Variants in RGS7 observed in about 807,000 individuals in gnomAD.
RGS7 encodes the protein regulator of G protein signaling 7.
A neutral mutation model predicts 81.1 loss-of-function variants in RGS7; 27 were observed. The ratio of observed to expected loss-of-function variants is 0.33; its 90% CI spans 0.25 to 0.46. The LOEUF (loss-of-function observed/expected upper bound fraction) is 0.46. Among genes scored for constraint, RGS7 ranks in the 20% least tolerant of loss-of-function variants. The pLI, the probability that RGS7 is intolerant of heterozygous loss-of-function variation, is 1.00. For missense variants in RGS7, 396 were observed against 607.4 expected (o/e 0.65, Z 3.66); for synonymous variants, 208 against 207.7 (o/e 1.00, Z -0.01).
At chr1:241,024,516 G>A (rs373285864) in intron 3 of RGS7, among the ~76,000 whole-genome samples, 23 of 152,280 alleles carry the variant, frequency 1.5e-4, no homozygotes, top group East Asian at 1.2e-3. Flanking sequence ...TAGTATACCA[G>A]TGACATTCTG....
chr1:241,157,125 A>T (rs917258974), intron 2 of RGS7, among the ~76,000 whole-genome samples: 4 of 141,726 alleles, frequency 2.8e-5, no homozygotes, highest in Non-Finnish European at 4.7e-5. Context: ...TGGTGGAATT[A>T]AAAAAAAAAA....
intron 2 of RGS7, among the ~76,000 whole-genome samples, chr1:241,107,069 T>C (rs2065170604): frequency 1.3e-5 from 2 of 152,326 alleles, no homozygotes; most frequent in South Asian, 2.1e-4. Flanking sequence ...TTGTAAGTAC[T>C]GTGGGATGTC....
rs927875147 is a variant in RGS7, at chr1:240,962,295, T to C, written c.226+20784A>G. On this transcript the variant is annotated intron_variant, in intron 4 of 18. Coordinates refer to ENST00000440928, the MANE Select transcript of RGS7 (RefSeq NM_001364886.1). ...GGCTGCTGTCACGCTCTGTCTACTC[T>C]GCTATCTTTCTCTCCGGCTCCTGAC... Among the ~76,000 whole-genome samples the C allele has an allele frequency of 5.3e-5, 8 of 152,274 alleles. No individual in the cohort carries two copies. The East Asian group carries it at 1.2e-3, about 22-fold the overall frequency.
At chr1:240,825,994 A>G (rs1161620912) in intron 10 of RGS7, among the ~76,000 whole-genome samples, 1 of 152,204 alleles carries the variant, frequency 6.6e-6, no homozygotes, top group African/African-American at 2.4e-5. Flanking sequence ...GGCTTAATGC[A>G]CTTTTTGGAG....
At chr1:241,234,259 G>T (rs2075810973) in intron 2 of RGS7, among the ~76,000 whole-genome samples, 1 of 152,104 alleles carries the variant, frequency 6.6e-6, no homozygotes, top group Non-Finnish European at 1.5e-5. Context: ...AGCAAAACCT[G>T]CCAGTTGTTT....
chr1:241,046,555 C>T (rs1245065487), intron 3 of RGS7, among the ~76,000 whole-genome samples: 2 of 152,180 alleles, frequency 1.3e-5, no homozygotes, highest in Non-Finnish European at 2.9e-5. Flanking sequence ...AAAAGAACTG[C>T]AAGTGGGTTA....
intron 2 of RGS7, among the ~76,000 whole-genome samples, chr1:241,309,332 G>A (rs1158877134): frequency 2.3e-5 from 3 of 130,864 alleles, no homozygotes; most frequent in Non-Finnish European, 4.6e-5. Context: ...GTAGCAGTGA[G>A]CAGAGATCAC....
rs1558320484 is a variant in RGS7, at chr1:241,327,032, A to AGGGAGGGAGGGAGGGAGGGAGGGAGGG, written c.78+28666_78+28667insCCCTCCCTCCCTCCCTCCCTCCCTCCC. Among the ~76,000 whole-genome samples the AGGGAGGGAGGGAGGGAGGGAGGGAGGG allele has an allele frequency of 8.3e-3, 22 of 2,656 alleles. 1 individual carries two copies. Among genetic ancestry groups the AGGGAGGGAGGGAGGGAGGGAGGGAGGG allele is most frequent in the South Asian group, 0.017 (1 of 60 alleles). 1.7% of individuals were successfully genotyped at this position (2,656 alleles called of 152,430 possible). A position where few individuals can be genotyped will look rare whatever the true frequency, so the allele number is the denominator to read the frequency against. On this transcript the variant is annotated intron_variant, in intron 2 of 18. Transcript: ENST00000440928. The stretch of plus-strand genomic sequence containing the variant: ...GAAGGAAGGAAGGAAGGAAGGAAGG[A>AGGGAGGGAGGGAGGGAGGGAGGGAGGG]AGGAAGGGAGGGAGGGGAAAGGAAG...
intron 2 of RGS7, among the ~76,000 whole-genome samples, chr1:241,342,149 C>T (rs1168312277): frequency 6.6e-6 from 1 of 152,092 alleles, no homozygotes; most frequent in Non-Finnish European, 1.5e-5. Flanking sequence ...GCTGGGATTA[C>T]AGGCATGAAC....
intron 2 of RGS7, among the ~76,000 whole-genome samples, chr1:241,101,559 A>G (rs372318074): frequency 1.3e-5 from 2 of 152,128 alleles, no homozygotes; most frequent in African/African-American, 4.8e-5. Flanking sequence ...CAGGCCTGTA[A>G]AAGACCCCAA....
intron 18 of RGS7, among the ~76,000 whole-genome samples, chr1:240,785,470 T>C (rs956095395): frequency 6.6e-6 from 1 of 152,250 alleles, no homozygotes; most frequent in African/African-American, 2.4e-5. Flanking sequence ...GTAAGTCATC[T>C]GGCCTGATGA....
At chr1:240,875,476 T>C (rs1272645411) in intron 6 of RGS7, among the ~76,000 whole-genome samples, 1 of 152,240 alleles carries the variant, frequency 6.6e-6, no homozygotes, top group Non-Finnish European at 1.5e-5. Context: ...CTATTGTGAA[T>C]AATGTTGTAA....
chr1:240,868,057 AAGAAAAGAAG>A lies in RGS7; in HGVS notation c.609+520_609+529del, dbSNP rs1473695389. Among the ~76,000 whole-genome samples the A allele has an allele frequency of 1.3e-5, 2 of 151,488 alleles. No individual in the cohort carries two copies. Among genetic ancestry groups the A allele is most frequent in the Non-Finnish European group, 2.9e-5 (2 of 67,890 alleles). On this transcript the variant is annotated intron_variant, in intron 9 of 18. Coordinates refer to ENST00000440928, the MANE Select transcript of RGS7 (RefSeq NM_001364886.1). This position sits in a 1 kb window ranked among gnomAD's most constrained non-coding sequence, Gnocchi z 5.1. Reference sequence around the variant, plus strand: ...AGAAGAGAAAAGAAAGAAAGAAAGAAAGAAAAGAAGAGAAAAGAAAGAAAGAAAAAGAAAG... The same window carrying A: ...AGAAGAGAAAAGAAAGAAAGAAAGAAAGAAAAGAAAGAAAGAAAAAGAAAG...
intron 2 of RGS7, among the ~76,000 whole-genome samples, chr1:241,238,236 T>C (rs1573291632): frequency 6.6e-6 from 1 of 152,146 alleles, no homozygotes; most frequent in Non-Finnish European, 1.5e-5. Context: ...TGTGTGTGTG[T>C]ACATGCATAT....
chr1:241,244,915 T>C lies in RGS7; in HGVS notation c.78+110784A>G, dbSNP rs553995125. On this transcript the variant is annotated intron_variant, in intron 2 of 18. Coordinates refer to ENST00000440928, the MANE Select transcript of RGS7 (RefSeq NM_001364886.1). ...AGGTGGGAATTGAACAATGAGAACA[T>C]ATGGACACAGGAAGGGGAACATCAC... Among the ~76,000 whole-genome samples the C allele has an allele frequency of 1.1e-3, 148 of 132,060 alleles. 1 individual carries two copies. Among genetic ancestry groups the C allele is most frequent in the Non-Finnish European group, 1.8e-3 (119 of 65,284 alleles). 86.6% of individuals were successfully genotyped at this position (132,060 alleles called of 152,430 possible).
intron 3 of RGS7, among the ~76,000 whole-genome samples, chr1:241,006,838 A>G (rs1420724060): frequency 1.3e-5 from 2 of 152,146 alleles, no homozygotes; most frequent in African/African-American, 2.4e-5. Flanking sequence ...AGCCTACTCA[A>G]CCTGAAAATA....
intron 2 of RGS7, among the ~76,000 whole-genome samples, chr1:241,324,529 C>CT (rs1202787953): frequency 1.3e-5 from 2 of 152,128 alleles, no homozygotes; most frequent in Admixed American, 6.6e-5. Flanking sequence ...TACGTGTACC[C>CT]TTTTTGCATT....
intron 3 of RGS7, among the ~76,000 whole-genome samples, chr1:241,078,496 T>TGTGTGTGTGTGTGTGTGTGTGTGG: frequency 6.6e-6 from 1 of 151,782 alleles, no homozygotes; most frequent in African/African-American, 2.4e-5. Flanking sequence ...TGTGTGTGTG[T>TGTGTGTGTGTGTGTGTGTGTGTGG]GTGTGTATAT....
At chr1:241,151,231 G>A (rs1483156909) in intron 2 of RGS7, among the ~76,000 whole-genome samples, 1 of 152,162 alleles carries the variant, frequency 6.6e-6, no homozygotes, top group Non-Finnish European at 1.5e-5. Context: ...TAGCTATCAC[G>A]CAGACTGATG....
Sources: gnomAD v4.1 joint callset for allele counts (sites outside exome capture counted in the v4.1 genomes callset) on GRCh38, gnomAD v4.1.1 for gene constraint, Gnocchi (gnomAD v3.1) non-coding constraint, MANE v1.5 for transcripts, NCBI Gene and HGNC (gene_info 2026-07-23, HGNC 2026-07-21) for gene names.